Variants in ANO8 observed in about 807,000 individuals in gnomAD.
The protein encoded by ANO8 is anoctamin-8.
Under a neutral mutation model 120.4 loss-of-function variants are expected in ANO8, and 67 were observed. The ratio of observed to expected loss-of-function variants is 0.56; its 90% CI spans 0.46 to 0.68. ANO8 has a LOEUF of 0.68. ANO8 is among the 30% of genes least tolerant of loss of function. The pLI is 0.00. For synonymous variants in ANO8, 727 were observed against 759.2 expected (o/e 0.96, Z 0.70); for missense variants, 1,526 against 1,737.6 (o/e 0.88, Z 2.16).
intron 16 of ANO8, among the ~76,000 whole-genome samples, chr19:17,325,908 C>T (rs551199030): frequency 1.6e-4 from 24 of 151,922 alleles, no homozygotes; most frequent in Admixed American, 9.2e-4. Flanking sequence ...AGCCTGGGGA[C>T]AAAGCGAGAC....
At position 17,323,560 on chromosome 19, in the gene ANO8, C is replaced by A. The variant is rs756097878; in HGVS notation, c.3656G>T (p.Ser1219Ile). The A allele has an allele frequency of 8.5e-7, 1 of 1,175,404 alleles. No homozygotes were observed. 72.8% of individuals were successfully genotyped at this position (1,175,404 alleles called of 1,614,324 possible). A position where few individuals can be genotyped will look rare whatever the true frequency, so the allele number is the denominator to read the frequency against. Reference sequence around the variant, plus strand: ...CCAGCACACGGCCTGGGGGCTGGGGCTGGGGCTAGGGGAGGGCGCTGGGGT... The same window carrying A: ...CCAGCACACGGCCTGGGGGCTGGGGATGGGGCTAGGGGAGGGCGCTGGGGT... The part of the protein sequence containing the change: ...LETPAPSPSP[S>I]PSPQAVCWPS... Residue 1219 changes from serine to isoleucine, a missense_variant, in exon 18 of 18, where the codon AGC (serine) becomes ATC (isoleucine). By Grantham distance (142) the Ser-to-Ile change is moderately radical. Around this residue, in one of 8 missense-constraint regions of ANO8, gnomAD observed 489 missense variants for 548.6 expected, o/e 0.89. Coordinates refer to ENST00000159087, the MANE Select transcript of ANO8 (RefSeq NM_020959.3).
In ANO8 at chr19:17,328,567, G is replaced by A. The variant is rs745442521; in HGVS notation, c.1821C>T (p.Leu607=). 7.1e-6 allele frequency: 11 copies of A among 1,547,726 alleles called. No homozygotes were observed. The highest frequency in any genetic ancestry group is 7.8e-6 in the Non-Finnish European group (9 of 1,146,734). ...TCTTCAGCCGGAGCCCGCAGTCCAG[G>A]AGGCCCCCTTCCTCGCCCTCCTCCT... The part of the protein sequence containing the change: ...EDEEEGEEGG[L]LDCGLRLKKV... Residue 607 remains leucine (L), a synonymous_variant, in exon 13 of 18, where the codon CTC becomes CTT. Coordinates refer to ENST00000159087, the MANE Select transcript of ANO8 (RefSeq NM_020959.3).
At chr19:17,332,564 C>G (rs1353975813) in intron 5 of ANO8, among the ~76,000 whole-genome samples, 3 of 152,162 alleles carry the variant, frequency 2.0e-5, no homozygotes, top group African/African-American at 7.2e-5. Context: ...GTTCCTGCCT[C>G]CACTTTATCC....
At position 17,323,447 on chromosome 19, in the gene ANO8, A is replaced by C; in HGVS notation, c.*70T>G. On this transcript the variant is annotated 3_prime_UTR_variant, in exon 18 of 18. Coordinates refer to ENST00000159087, the MANE Select transcript of ANO8 (RefSeq NM_020959.3). Reference sequence around the variant, plus strand: ...CCTCGGGGGCTGAAGCGCATTTTGCATTTTGGAGACCGGCCGCCCCTGTGA... The same window carrying C: ...CCTCGGGGGCTGAAGCGCATTTTGCCTTTTGGAGACCGGCCGCCCCTGTGA... 1 of 1,276,144 alleles carries C rather than the reference A, an allele frequency of 7.8e-7. No individual in the cohort carries two copies. The highest frequency in any genetic ancestry group is 9.9e-7 in the Non-Finnish European group (1 of 1,008,784). 79.1% of individuals were successfully genotyped at this position (1,276,144 alleles called of 1,614,324 possible).
In ANO8 at chr19:17,333,017, T is replaced by G; in HGVS notation, c.499A>C (p.Ser167Arg). The G allele has an allele frequency of 6.2e-7, 1 of 1,614,102 alleles. No homozygotes were observed. The highest frequency in any genetic ancestry group is 8.5e-7 in the Non-Finnish European group (1 of 1,180,034). Residue 167 changes from serine to arginine, a missense_variant, in exon 5 of 18, where the codon AGC becomes CGC. Physicochemically the swap from Ser to Arg is moderately radical, Grantham distance 110. Transcript: ENST00000159087. This position sits in a 1 kb window ranked among gnomAD's most constrained non-coding sequence, Gnocchi z 7.2. ...TTCTGCAGCCAGAAGCGGATGATGC[T>G]CTGGCGTTCCTGCGAGGAAGAGGGC... is the stretch of plus-strand genomic sequence containing the variant. ...LRFFTSQERQ[S>R]IIRFWLQNLR... is the part of the protein sequence containing the mutation.
chr19:17,329,113 T>A (rs1375318407), intron 12 of ANO8, 130 bp from the exon 13 acceptor site: 1 of 702,668 alleles, frequency 1.4e-6, no homozygotes, highest in Non-Finnish European at 2.2e-6. Flanking sequence ...GGTTCCTAAC[T>A]CCGCTGCTTT....
chr19:17,329,375 C>T (rs1459334566), intron 12 of ANO8: 1 of 355,662 alleles, frequency 2.8e-6, no homozygotes, highest in South Asian at 4.1e-5. Context: ...CTGCCCACCC[C>T]GGCGAGGACC....
chr19:17,332,822 C>T (rs2074328572), intron 5 of ANO8, 108 bp downstream of exon 5: 3 of 1,282,478 alleles, frequency 2.3e-6, no homozygotes, highest in African/African-American at 1.5e-5. Flanking sequence ...TCTTTGCCAA[C>T]CCCTGACTGG....
chr19:17,333,420 G>A lies in ANO8; in HGVS notation c.350+2C>T, dbSNP rs2074334984. Reference sequence around the variant, plus strand: ...GCGAGAGGCCAGGGACAGGGGACTCGCCTCTCATACGTGGCGGTGACAAAG... The same window carrying A: ...GCGAGAGGCCAGGGACAGGGGACTCACCTCTCATACGTGGCGGTGACAAAG... On this transcript the variant is annotated splice_donor_variant, in intron 3 of 17. Coordinates refer to ENST00000159087, the MANE Select transcript of ANO8 (RefSeq NM_020959.3). LOFTEE classifies it low-confidence loss of function (GC_TO_GT_DONOR). The surrounding 1 kb of genome is among the most constrained non-coding windows in gnomAD (Gnocchi z 7.2). The A allele has an allele frequency of 1.2e-6, 2 of 1,613,634 alleles. No individual in the cohort carries two copies. Among genetic ancestry groups the A allele is most frequent in the Non-Finnish European group, 1.7e-6 (2 of 1,180,016 alleles).
In ANO8 at chr19:17,333,432, T is replaced by C; in HGVS notation, c.340A>G (p.Thr114Ala). 6.2e-7 allele frequency: 1 copy of C among 1,613,670 alleles called. No homozygotes were observed. Among genetic ancestry groups the C allele is most frequent in the Non-Finnish European group, 8.5e-7 (1 of 1,179,986 alleles). Reference protein sequence around the residue: ...TRAYAFFVTATYESLLRGADE... With the variant: ...TRAYAFFVTAAYESLLRGADE... ...GGACAGGGGACTCGCCTCTCATACG[T>C]GGCGGTGACAAAGAAGGCGTAGGCA... Residue 114 changes from threonine to alanine, a missense_variant, in exon 3 of 18, where the codon ACG (threonine) becomes GCG (alanine). By Grantham distance (58) the Thr-to-Ala change is moderately conservative (BLOSUM62 0). Transcript: ENST00000159087. This position sits in a 1 kb window ranked among gnomAD's most constrained non-coding sequence, Gnocchi z 7.2.
At position 17,333,652 on chromosome 19, in the gene ANO8, TCTGGGCA is replaced by T. The variant is rs1329564221; in HGVS notation, c.217+31_217+37del. The T allele has an allele frequency of 4.3e-6, 3 of 697,828 alleles. No homozygotes were observed. The highest frequency in any genetic ancestry group is 6.3e-6 in the Non-Finnish European group (3 of 477,850). 43.2% of individuals were successfully genotyped at this position (697,828 alleles called of 1,614,324 possible). ...GGAAGCCGAGCTCAGGAGAGCCGCA[TCTGGGCA>T]CTGGGCGGGCGGGCGGGCGGGCTTG... On this transcript the variant is annotated intron_variant, in intron 2 of 17. Coordinates refer to ENST00000159087, the MANE Select transcript of ANO8 (RefSeq NM_020959.3). The surrounding 1 kb of genome is among the most constrained non-coding windows in gnomAD (Gnocchi z 7.2).
chr19:17,328,765 CCCGCCCCCGCTGCCG>C lies in ANO8; in HGVS notation c.1608_1622del (p.Ser538_Gly542del). 7.6e-7 allele frequency: 1 copy of C among 1,324,196 alleles called. No homozygotes were observed. Among genetic ancestry groups the C allele is most frequent in the Non-Finnish European group, 9.6e-7 (1 of 1,044,552 alleles). 82.0% of individuals were successfully genotyped at this position (1,324,196 alleles called of 1,614,324 possible). On this transcript the variant is annotated inframe_deletion, in exon 13 of 18. Coordinates refer to ENST00000159087, the MANE Select transcript of ANO8 (RefSeq NM_020959.3). ...AGCCCCCGCTGAGGCACCTGCGGCC[CCCGCCCCCGCTGCCG>C]CCGCCCCCGCCCTCATCCGCCTGGG...
chr19:17,333,686 G>T lies in ANO8; in HGVS notation c.217+4C>A. The T allele has an allele frequency of 6.3e-7, 1 of 1,583,046 alleles. No individual in the cohort carries two copies. The highest frequency in any genetic ancestry group is 8.6e-7 in the Non-Finnish European group (1 of 1,166,710). On this transcript the variant is annotated splice_donor_region_variant and intron_variant, in intron 2 of 17. Coordinates refer to ENST00000159087, the MANE Select transcript of ANO8 (RefSeq NM_020959.3). The surrounding 1 kb of genome is among the most constrained non-coding windows in gnomAD (Gnocchi z 7.2). The stretch of plus-strand genomic sequence containing the variant: ...TGGGCGGGCGGGCGGGCGGGCTTGG[G>T]TACCTGGGAAGGTCATCAGCACGTC...
At position 17,330,922 on chromosome 19, in the gene ANO8, T is replaced by C; in HGVS notation, c.899A>G (p.Glu300Gly). 1 of 1,613,982 alleles carries C rather than the reference T, an allele frequency of 6.2e-7. No individual in the cohort carries two copies. Among genetic ancestry groups the C allele is most frequent in the African/African-American group, 1.3e-5 (1 of 74,968 alleles). The change falls in exon 8 of 18, where the codon GAG (glutamate) becomes GGG (glycine). Residue 300 changes from glutamate to glycine, a missense_variant. By Grantham distance (98) the Glu-to-Gly change is moderately conservative. Coordinates refer to ENST00000159087, the MANE Select transcript of ANO8 (RefSeq NM_020959.3). ...FNVIWSTLFL[E>G]EWKRRGAELA... is the part of the protein sequence containing the mutation. ...CTCAGCCCCTCTCCGCTTCCATTCC[T>C]CTAGGAACAGCGTCGACCAGATCAC... is the stretch of plus-strand genomic sequence containing the variant.
At chr19:17,327,165 G>A (rs2074277955) in intron 16 of ANO8, 70 bp downstream of exon 16, 2 of 1,312,650 alleles carry the variant, frequency 1.5e-6, no homozygotes, top group Non-Finnish European at 2.1e-6. Flanking sequence ...CTAAGGAATT[G>A]GCCACCAAGA....
Position 17,324,954 on chromosome 19 carries a change from A to C in ANO8, c.3094T>G (p.Ser1032Ala). Residue 1032 changes from serine (S) to alanine (A), a missense_variant, in exon 17 of 18, where the codon TCA becomes GCA. Physicochemically the swap from Ser to Ala is moderately conservative, Grantham distance 99 (BLOSUM62 1). Around this residue, in one of 8 missense-constraint regions of ANO8, gnomAD observed 489 missense variants for 548.6 expected, o/e 0.89. Coordinates refer to ENST00000159087, the MANE Select transcript of ANO8 (RefSeq NM_020959.3). ...PAFLSFKFLKSPETRRDSERS... is the reference protein window; with the variant it reads ...PAFLSFKFLKAPETRRDSERS... ...TCAGAGTCCCGCCGGGTCTCGGGTG[A>C]CTTGAGGAACTTGAAGCTGAGGAAG... 6.2e-7 allele frequency: 1 copy of C among 1,613,096 alleles called. No homozygotes were observed. Among genetic ancestry groups the C allele is most frequent in the Non-Finnish European group, 8.5e-7 (1 of 1,179,910 alleles).
chr19:17,329,899 C>T (rs2074304012), intron 11 of ANO8, 60 bp downstream of exon 11: 3 of 1,613,772 alleles, frequency 1.9e-6, no homozygotes, highest in Admixed American at 3.3e-5. Context: ...TTCCTTGTGC[C>T]CCATACAGAC....
chr19:17,329,440 G>C (rs1246378718), intron 12 of ANO8: 1 of 435,920 alleles, frequency 2.3e-6, no homozygotes, highest in Non-Finnish European at 4.2e-6. Flanking sequence ...GGAGGCCCCG[G>C]AGGGAGAGGA....
At position 17,328,399 on chromosome 19, in the gene ANO8, C is replaced by T. The variant is rs917340438; in HGVS notation, c.1989G>A (p.Ala663=). The change falls in exon 13 of 18, where the codon GCG becomes GCA. Residue 663 remains alanine, a synonymous_variant. Coordinates refer to ENST00000159087, the MANE Select transcript of ANO8 (RefSeq NM_020959.3). ...VFTLAEEDDE[A]EGAPGSPERE... Reference sequence around the variant, plus strand: ...GTTCAGGGCTGCCGGGAGCCCCCTCCGCCTCGTCGTCCTCCTCGGCCAGGG... The same window carrying T: ...GTTCAGGGCTGCCGGGAGCCCCCTCTGCCTCGTCGTCCTCCTCGGCCAGGG... 1 of 1,571,766 alleles carries T rather than the reference C, an allele frequency of 6.4e-7. No individual in the cohort carries two copies. Among genetic ancestry groups the T allele is most frequent in the Non-Finnish European group, 8.6e-7 (1 of 1,164,036 alleles).
Sources: allele counts gnomAD v4.1 joint callset (sites outside exome capture counted in the v4.1 genomes callset), GRCh38; gene constraint gnomAD v4.1.1; regional missense constraint gnomAD v4.1.1; non-coding constraint Gnocchi (gnomAD v3.1); transcripts MANE v1.5; gene names NCBI Gene and HGNC (gene_info 2026-07-23, HGNC 2026-07-21).